Variants in OPHN1 observed in about 807,000 individuals in gnomAD.
OPHN1 encodes oligophrenin 1, also known as oligophrenin-1.
In OPHN1, 11 loss-of-function variants were observed where a neutral mutation model predicts 60.7. The ratio of observed to expected loss-of-function variants is 0.18; its 90% CI spans 0.11 to 0.30. OPHN1 has a LOEUF of 0.30. Among genes scored for constraint, OPHN1 ranks in the 10% least tolerant of loss-of-function variants. The probability of loss-of-function intolerance (pLI) is 1.00; values close to 1 mark genes in which losing one functional copy is unlikely to be tolerated. For synonymous variants in OPHN1, 226 were observed against 222.6 expected, an observed-to-expected ratio of 1.02 and a Z score of -0.14; for missense variants, 449 against 611.0, an observed-to-expected ratio of 0.73 and a Z score of 2.80.
chrX:68,317,394 A>G (rs191933233), intron 2 of OPHN1, among the ~76,000 whole-genome samples: 17 of 91,150 alleles, frequency 1.9e-4, no homozygotes, highest in African/African-American at 6.4e-4. Context: ...GAAGGAAGGA[A>G]GGAAGGAAGG....
chrX:68,375,102 C>T (rs2078549796), intron 2 of OPHN1, among the ~76,000 whole-genome samples: 1 of 112,379 alleles, frequency 8.9e-6, no homozygotes, highest in Admixed American at 9.4e-5. Context: ...AGCTCACAGT[C>T]CTGCCCATGG....
chrX:68,234,693 C>T, intron 5 of OPHN1, 105 bp from the exon 6 acceptor site: 1 of 617,162 alleles, frequency 1.6e-6, no homozygotes, highest in East Asian at 3.4e-5. Context: ...GTGGTCAATC[C>T]CTCTAGCTCC....
intron 2 of OPHN1, among the ~76,000 whole-genome samples, chrX:68,409,069 AT>A (rs2147775786): frequency 8.9e-6 from 1 of 112,771 alleles, no homozygotes; most frequent in African/African-American, 3.2e-5. Flanking sequence ...TTAAGTCTCA[AT>A]CGACATTTCC....
At chrX:68,270,714 T>C (rs2077964076) in intron 5 of OPHN1, among the ~76,000 whole-genome samples, 2 of 109,377 alleles carry the variant, frequency 1.8e-5, no homozygotes, top group Admixed American at 1.9e-4. Context: ...GTTGTGCACA[T>C]GTACCCTAGA....
At chrX:68,321,393 G>T (rs1354196520) in intron 2 of OPHN1, among the ~76,000 whole-genome samples, 1 of 111,847 alleles carries the variant, frequency 8.9e-6, no homozygotes, top group East Asian at 2.8e-4. Context: ...AACCCTGCTG[G>T]CCTTACATCA....
intron 6 of OPHN1, among the ~76,000 whole-genome samples, chrX:68,224,954 C>T (rs1018162643): frequency 4.5e-5 from 5 of 112,147 alleles, no homozygotes; most frequent in South Asian, 3.7e-4. Flanking sequence ...CAAGGGGTTG[C>T]GGAATTCCCT....
At chrX:68,131,190 T>TTTTATTTA (rs60984024) in intron 15 of OPHN1, among the ~76,000 whole-genome samples, 3,996 of 98,444 alleles carry the variant, frequency 0.041, 163 homozygotes, top group African/African-American at 0.11. Flanking sequence ...CAAAGAACAC[T>TTTTATTTA]TTTATTTATT....
At chrX:68,367,586 C>A (rs897888295) in intron 2 of OPHN1, among the ~76,000 whole-genome samples, 2 of 111,031 alleles carry the variant, frequency 1.8e-5, no homozygotes, top group African/African-American at 6.5e-5. Flanking sequence ...AGTGTGCAAC[C>A]CTGTACCCTG....
At chrX:68,178,211 A>G (rs898884956) in intron 15 of OPHN1, among the ~76,000 whole-genome samples, 1 of 111,466 alleles carries the variant, frequency 9.0e-6, no homozygotes. Context: ...CAACCCTTTA[A>G]TTTATTTTTT....
intron 15 of OPHN1, among the ~76,000 whole-genome samples, chrX:68,153,476 AAAT>A (rs1224824763): frequency 9.0e-6 from 1 of 111,569 alleles, no homozygotes; most frequent in Non-Finnish European, 1.9e-5. Context: ...CAAGCACTTC[AAAT>A]AATATGACTG....
Position 68,096,981 on chromosome X carries a change from T to C in OPHN1, c.1575A>G (p.Gly525=). 8.3e-7 allele frequency: 1 copy of C among 1,210,305 alleles called. No individual in the cohort carries two copies. Among genetic ancestry groups the C allele is most frequent in the Non-Finnish European group, 1.1e-6 (1 of 894,771 alleles). The change falls in exon 19 of 25, where the codon GGA becomes GGG. Residue 525 remains glycine (G), a synonymous_variant. Coordinates refer to ENST00000355520, the MANE Select transcript of OPHN1 (RefSeq NM_002547.3). ...TCATCAGGGTGGGCCCAAAGATTAC[T>C]CCCATGTTGGAGGGGGTCATAAGAT... is the stretch of plus-strand genomic sequence containing the variant. The part of the protein sequence containing the change: ...KENLMTPSNM[G]VIFGPTLMRA...
At chrX:68,378,684 C>T (rs1294675952) in intron 2 of OPHN1, among the ~76,000 whole-genome samples, 20 of 111,732 alleles carry the variant, frequency 1.8e-4, no homozygotes, top group African/African-American at 4.9e-4. Flanking sequence ...ATTTATTAAA[C>T]AGGGAATCCT....
chrX:68,423,808 T>C (rs1428193160), intron 2 of OPHN1, among the ~76,000 whole-genome samples: 1 of 112,138 alleles, frequency 8.9e-6, no homozygotes, highest in Non-Finnish European at 1.9e-5. Flanking sequence ...ATACTACCTT[T>C]TATTTATCCA....
intron 16 of OPHN1, among the ~76,000 whole-genome samples, chrX:68,114,993 A>G (rs1367641330): frequency 9.0e-6 from 1 of 111,369 alleles, no homozygotes; most frequent in Non-Finnish European, 1.9e-5. Context: ...GCAGATGTGA[A>G]AATCAGGAAC....
chrX:68,075,779 C>CAA (rs35536405), intron 19 of OPHN1, among the ~76,000 whole-genome samples: 21 of 39,843 alleles, frequency 5.3e-4, no homozygotes, highest in African/African-American at 9.9e-4. Context: ...TATACATAGG[C>CAA]AAAAAAAAAA....
intron 4 of OPHN1, among the ~76,000 whole-genome samples, chrX:68,280,727 C>T (rs1481089817): frequency 9.0e-6 from 1 of 111,353 alleles, no homozygotes; most frequent in Non-Finnish European, 1.9e-5. Context: ...CCCAATAAGT[C>T]TGGGATGGGT....
chrX:68,095,419 C>T (rs1301654851), intron 19 of OPHN1, among the ~76,000 whole-genome samples: 2 of 112,202 alleles, frequency 1.8e-5, no homozygotes, highest in African/African-American at 6.5e-5. Flanking sequence ...AAATCCATGG[C>T]CTGCAAAGGC....
intron 10 of OPHN1, among the ~76,000 whole-genome samples, chrX:68,205,219 G>A (rs189269715): frequency 8.1e-5 from 9 of 111,201 alleles, no homozygotes; most frequent in African/African-American, 1.3e-4. Context: ...AGGCCAAGGC[G>A]GGAGGATCAC....
intron 20 of OPHN1, among the ~76,000 whole-genome samples, chrX:68,065,237 ATAT>A (rs2076909109): frequency 9.1e-6 from 1 of 110,368 alleles, no homozygotes; most frequent in African/African-American, 3.3e-5. Context: ...TTAGATCTTG[ATAT>A]TTTTTTTAAC....
Sources: allele counts gnomAD v4.1 joint callset (sites outside exome capture counted in the v4.1 genomes callset), GRCh38; gene constraint gnomAD v4.1.1; transcripts MANE v1.5; gene names NCBI Gene and HGNC (gene_info 2026-07-23, HGNC 2026-07-21).